The following BEAN1 variants were observed in gnomAD, a reference collection of about 807,000 sequenced individuals.
BEAN1 encodes the protein brain expressed associated with NEDD4 1, also known as protein BEAN1.
A neutral mutation model predicts 17.7 loss-of-function variants in BEAN1; 17 were observed. The observed-to-expected ratio is 0.96, with a 90% CI of 0.66 to 1.44. BEAN1 has a LOEUF of 1.44. Among genes scored for constraint, BEAN1 ranks in the 40% most tolerant of loss-of-function variants. The probability of loss-of-function intolerance (pLI) is 0.00; values close to 1 mark genes in which losing one functional copy is unlikely to be tolerated. For missense variants in BEAN1, 359 were observed against 374.1 expected (o/e 0.96, Z 0.33); for synonymous variants, 142 against 151.8 (o/e 0.94, Z 0.47).
chr16:66,477,521 CCTGGT>C (rs1597044346), intron 3 of BEAN1, 34 bp from the exon 4 acceptor site: 1 of 1,492,638 alleles, frequency 6.7e-7, no homozygotes. Context: ...ATCCCTGGAT[CCTGGT>C]CTGAGGCCCA....
chr16:66,453,922 C>G (rs1322470979), intron 2 of BEAN1, among the ~76,000 whole-genome samples: 1 of 152,082 alleles, frequency 6.6e-6, no homozygotes, highest in African/African-American at 2.4e-5. Context: ...TTAGTAGAGA[C>G]AGGGTTTTGC....
intron 4 of BEAN1, among the ~76,000 whole-genome samples, chr16:66,488,518 C>CAAAAAAA (rs35976761): frequency 2.4e-3 from 118 of 49,232 alleles, no homozygotes; most frequent in East Asian, 0.016. Context: ...TTATCACTAC[C>CAAAAAAA]AAAAAAAAAA....
At chr16:66,436,813 C>G (rs1170602198) in intron 1 of BEAN1, among the ~76,000 whole-genome samples, 1 of 152,276 alleles carries the variant, frequency 6.6e-6, no homozygotes, top group East Asian at 1.9e-4. Context: ...CCTCACTGCT[C>G]TAGACATCCA....
downstream of BEAN1, chr16:66,485,394 C>T: frequency 2.9e-6 from 1 of 340,270 alleles, no homozygotes; most frequent in Non-Finnish European, 5.8e-6. Context: ...TCAGCTGTTC[C>T]TATCCATGCC....
chr16:66,483,470 C>T (rs896477826), downstream of BEAN1: 8 of 152,736 alleles, frequency 5.2e-5, no homozygotes, highest in South Asian at 2.0e-4. Flanking sequence ...ATGGCTTGTA[C>T]CACCAGGAAA....
At chr16:66,491,929 A>T (rs1293055415) in intron 4 of BEAN1, among the ~76,000 whole-genome samples, 1 of 152,182 alleles carries the variant, frequency 6.6e-6, no homozygotes, top group African/African-American at 2.4e-5. Context: ...GGACTCCTGC[A>T]CTGGACTGTT....
intron 2 of BEAN1, among the ~76,000 whole-genome samples, chr16:66,468,627 C>T (rs765103683): frequency 4.6e-5 from 7 of 152,194 alleles, no homozygotes; most frequent in South Asian, 2.1e-4. Flanking sequence ...CACTTACCAG[C>T]GCTGAGTCTC....
intron 2 of BEAN1, among the ~76,000 whole-genome samples, chr16:66,447,964 G>T (rs1962516522): frequency 6.6e-6 from 1 of 152,198 alleles, no homozygotes; most frequent in Non-Finnish European, 1.5e-5. Flanking sequence ...TGTTCTCAGT[G>T]AAGATGCAGA....
chr16:66,430,436 TAA>T (rs1368877770), intron 1 of BEAN1, among the ~76,000 whole-genome samples: 1 of 152,218 alleles, frequency 6.6e-6, no homozygotes, highest in East Asian at 1.9e-4. Context: ...ATAGAATAGT[TAA>T]AACATCACTA....
chr16:66,475,906 T>G (rs1439148582), intron 3 of BEAN1: 1 of 152,038 alleles, frequency 6.6e-6, no homozygotes, highest in Non-Finnish European at 1.5e-5. Context: ...GTCAGGAGAT[T>G]GAGGCCATCC....
At chr16:66,468,162 AG>A (rs1206586108) in intron 2 of BEAN1, among the ~76,000 whole-genome samples, 12 of 152,202 alleles carry the variant, frequency 7.9e-5, no homozygotes, top group African/African-American at 2.4e-4. Flanking sequence ...AGGCATCGCA[AG>A]GCCTCCCTGC....
chr16:66,469,509 A>G, intron 2 of BEAN1, 93 bp from the exon 3 acceptor site: 1 of 1,370,496 alleles, frequency 7.3e-7, no homozygotes, highest in Non-Finnish European at 9.8e-7. Context: ...CCATTTATTT[A>G]GGGAGCAACA....
chr16:66,459,078 G>A (rs1192183809), intron 2 of BEAN1, among the ~76,000 whole-genome samples: 1 of 152,184 alleles, frequency 6.6e-6, no homozygotes, highest in Non-Finnish European at 1.5e-5. Flanking sequence ...CATCAAGTGT[G>A]CTCATCCAAG....
intron 3 of BEAN1, chr16:66,470,168 C>T: frequency 2.4e-6 from 1 of 418,950 alleles, no homozygotes; most frequent in Non-Finnish European, 4.2e-6. Context: ...CATCTGGTGT[C>T]TCGATGGATG....
chr16:66,459,461 A>C (rs896222979), intron 2 of BEAN1, among the ~76,000 whole-genome samples: 4 of 152,028 alleles, frequency 2.6e-5, no homozygotes, highest in Non-Finnish European at 5.9e-5. Context: ...CTGGGATTAC[A>C]AGCACCTGCC....
At chr16:66,442,872 A>G (rs1229798329) in intron 2 of BEAN1, among the ~76,000 whole-genome samples, 1 of 152,138 alleles carries the variant, frequency 6.6e-6, no homozygotes, top group Admixed American at 6.5e-5. Flanking sequence ...GGAAATAGAG[A>G]GAGATAGGGA....
At chr16:66,429,346 C>A (rs1336107955) in intron 1 of BEAN1, among the ~76,000 whole-genome samples, 1 of 152,150 alleles carries the variant, frequency 6.6e-6, no homozygotes, top group African/African-American at 2.4e-5. Context: ...AGCAGGGTGT[C>A]CCCAGGAAGG....
At chr16:66,438,733 C>G (rs1171613510) in intron 2 of BEAN1, among the ~76,000 whole-genome samples, 1 of 152,176 alleles carries the variant, frequency 6.6e-6, no homozygotes, top group Non-Finnish European at 1.5e-5. Context: ...ACTCATGCCA[C>G]CACCCTTGCC....
At chr16:66,440,797 A>G (rs1416180475) in intron 2 of BEAN1, among the ~76,000 whole-genome samples, 1 of 152,046 alleles carries the variant, frequency 6.6e-6, no homozygotes, top group Non-Finnish European at 1.5e-5. Context: ...CCCTAACCTG[A>G]GTTTCAACCT....
Sources: allele counts gnomAD v4.1 joint callset (sites outside exome capture counted in the v4.1 genomes callset), GRCh38; gene constraint gnomAD v4.1.1; transcripts MANE v1.5; gene names NCBI Gene and HGNC (gene_info 2026-07-23, HGNC 2026-07-21).